CPSF3: variants seen among roughly 807,000 people sequenced by gnomAD.
CPSF3 encodes the protein cleavage and polyadenylation specific factor 3.
CPSF3 carries 57 observed loss-of-function variants against 84.1 expected under a neutral mutation model. The observed-to-expected ratio is 0.68, with a 90% confidence interval of 0.55 to 0.85. The LOEUF (loss-of-function observed/expected upper bound fraction) is 0.85. CPSF3 is among the 40% of genes least tolerant of loss of function. The probability of loss-of-function intolerance (pLI) is 0.00; values close to 1 mark genes in which losing one functional copy is unlikely to be tolerated. For synonymous variants in CPSF3, 275 were observed against 278.1 expected (o/e 0.99, Z 0.11); for missense variants, 522 against 838.8 (o/e 0.62, Z 4.66).
chr2:9,463,287 T>A (rs538176204), intron 15 of CPSF3, among the ~76,000 whole-genome samples: 1 of 152,336 alleles, frequency 6.6e-6, no homozygotes, highest in East Asian at 1.9e-4. Flanking sequence ...GCCGTGGTGC[T>A]TGCTGAAAGT....
chr2:9,466,318 A>C (rs1296458235), intron 15 of CPSF3, among the ~76,000 whole-genome samples: 3 of 83,592 alleles, frequency 3.6e-5, no homozygotes, highest in African/African-American at 1.2e-4. Flanking sequence ...ACACTGACGC[A>C]CGCACACAGA....
intron 9 of CPSF3, among the ~76,000 whole-genome samples, chr2:9,443,095 C>G (rs867082100): frequency 6.6e-6 from 1 of 152,064 alleles, no homozygotes; most frequent in Admixed American, 6.6e-5. Context: ...CCCAGGAGGT[C>G]GAGGCTGCAG....
At chr2:9,464,733 T>C (rs982815152) in intron 15 of CPSF3, among the ~76,000 whole-genome samples, 4 of 151,942 alleles carry the variant, frequency 2.6e-5, no homozygotes, top group Non-Finnish European at 5.9e-5. Flanking sequence ...GCTGGGACTA[T>C]AGACGCACAT....
At chr2:9,468,679 T>C (rs570820432) in intron 16 of CPSF3, among the ~76,000 whole-genome samples, 1 of 142,360 alleles carries the variant, frequency 7.0e-6, no homozygotes, top group Admixed American at 7.7e-5. Flanking sequence ...CAGGCTGGAG[T>C]GCAGTGGCAC....
intron 13 of CPSF3, among the ~76,000 whole-genome samples, chr2:9,456,576 G>A (rs1681537858): frequency 6.6e-6 from 1 of 152,200 alleles, no homozygotes; most frequent in African/African-American, 2.4e-5. Context: ...CGCTTACGAA[G>A]ACAGAAGGTA....
chr2:9,464,024 C>T (rs190747866), intron 15 of CPSF3, among the ~76,000 whole-genome samples: 214 of 152,216 alleles, frequency 1.4e-3, no homozygotes, highest in African/African-American at 4.8e-3. Flanking sequence ...CCTGACACTT[C>T]AGTCCAGATT....
At chr2:9,457,960 T>C (rs1681588331) in intron 14 of CPSF3, among the ~76,000 whole-genome samples, 1 of 152,138 alleles carries the variant, frequency 6.6e-6, no homozygotes, top group African/African-American at 2.4e-5. Context: ...TTCACCACAT[T>C]GGCCAGGATG....
In CPSF3 at chr2:9,471,456, T is replaced by A; in HGVS notation, c.1953+17T>A. The A allele has an allele frequency of 6.9e-7, 1 of 1,445,274 alleles. No individual in the cohort carries two copies. The highest frequency in any genetic ancestry group is 9.7e-7 in the Non-Finnish European group (1 of 1,026,352). 89.5% of individuals were successfully genotyped at this position (1,445,274 alleles called of 1,614,324 possible). Reference sequence around the variant, plus strand: ...GAGACACGGGTATGTAGCTGCTCTTTCCTACGTTTCAAGACATTTGGGAAA... The same window carrying A: ...GAGACACGGGTATGTAGCTGCTCTTACCTACGTTTCAAGACATTTGGGAAA... On this transcript the variant is annotated intron_variant, in intron 17 of 17. Coordinates refer to ENST00000238112, the MANE Select transcript of CPSF3 (RefSeq NM_016207.4).
intron 6 of CPSF3, among the ~76,000 whole-genome samples, chr2:9,435,776 A>G (rs1468125532): frequency 6.7e-6 from 1 of 148,236 alleles, no homozygotes; most frequent in Non-Finnish European, 1.5e-5. Flanking sequence ...TCTGTCGCCC[A>G]GGCTGGAGTG....
intron 16 of CPSF3, 127 bp from the exon 17 acceptor site, chr2:9,471,213 CAAA>C: frequency 6.9e-6 from 3 of 437,322 alleles, no homozygotes; most frequent in East Asian, 4.4e-5. Flanking sequence ...GACTCCATCT[CAAA>C]AAAAAAAAGA....
rs749644645 is a variant in CPSF3 at position 9,472,948 on chromosome 2, T to C, written c.1986T>C (p.Asp662=). 4.3e-6 allele frequency: 7 copies of C among 1,613,856 alleles called. No individual in the cohort carries two copies. In the Admixed American group the frequency reaches 8.3e-5, roughly 19 times the overall value. ...AATGTGAAGAGGGAAGTGAAGACGA[T>C]GAATCCCTCCGAGAAATGGTGGAGC... The part of the protein sequence containing the change: ...TVECEEGSED[D]ESLREMVELA... The change falls in exon 18 of 18, where the codon GAT becomes GAC. Residue 662 remains aspartate, a synonymous_variant. Transcript: ENST00000238112.
At chr2:9,456,876 G>A in intron 13 of CPSF3, 57 bp from the exon 14 acceptor site, 1 of 1,060,416 alleles carries the variant, frequency 9.4e-7, no homozygotes, top group Non-Finnish European at 1.4e-6. Flanking sequence ...CAAACGAATG[G>A]TCTCTGGAAG....
intron 6 of CPSF3, among the ~76,000 whole-genome samples, chr2:9,434,424 T>G (rs887334337): frequency 6.6e-6 from 1 of 152,146 alleles, no homozygotes; most frequent in African/African-American, 2.4e-5. Flanking sequence ...TTCACTTTCT[T>G]GCTGTTAAAT....
At chr2:9,443,008 CA>C (rs1224636235) in intron 9 of CPSF3, among the ~76,000 whole-genome samples, 6 of 152,030 alleles carry the variant, frequency 3.9e-5, no homozygotes, top group African/African-American at 7.2e-5. Context: ...ACAAAAAATA[CA>C]AAAATTAGCC....
At chr2:9,435,317 A>G (rs544852837) in intron 6 of CPSF3, among the ~76,000 whole-genome samples, 3 of 152,306 alleles carry the variant, frequency 2.0e-5, no homozygotes, top group Admixed American at 6.5e-5. Flanking sequence ...GGGAGAAATA[A>G]CCTTTTTCTT....
chr2:9,441,750 A>C (rs1261374015), intron 8 of CPSF3, 68 bp from the exon 9 acceptor site: 1 of 1,475,228 alleles, frequency 6.8e-7, no homozygotes, highest in Non-Finnish European at 9.4e-7. Context: ...GTTATTCTTT[A>C]AAAAGAAAGA....
intron 11 of CPSF3, among the ~76,000 whole-genome samples, chr2:9,450,487 GTT>G (rs1681288220): frequency 1.3e-5 from 2 of 151,776 alleles, no homozygotes; most frequent in African/African-American, 2.4e-5. Flanking sequence ...TTAGTTGAAG[GTT>G]TAAGTATCAA....
chr2:9,444,435 ATATTTT>A (rs1379371825), intron 10 of CPSF3, among the ~76,000 whole-genome samples: 1 of 150,864 alleles, frequency 6.6e-6, no homozygotes, highest in Non-Finnish European at 1.5e-5. Flanking sequence ...CGACTTACTT[ATATTTT>A]TAAGTATCGT....
chr2:9,466,284 GCGCACACAGACGCATGCACA>G (rs1290410140), intron 15 of CPSF3, among the ~76,000 whole-genome samples: 13 of 104,550 alleles, frequency 1.2e-4, no homozygotes, highest in Non-Finnish European at 1.8e-4. Flanking sequence ...GCACACACGT[GCGCACACAGACGCATGCACA>G]CGCACACTGA....
Sources: allele counts gnomAD v4.1 joint callset (sites outside exome capture counted in the v4.1 genomes callset), GRCh38; gene constraint gnomAD v4.1.1; transcripts MANE v1.5; gene names NCBI Gene and HGNC (gene_info 2026-07-23, HGNC 2026-07-21).